Variants in FUT9 observed in about 807,000 individuals in gnomAD.
The protein encoded by FUT9 is 4-galactosyl-N-acetylglucosaminide 3-alpha-L-fucosyltransferase 9.
In FUT9, 15 loss-of-function variants were observed where a neutral mutation model predicts 29.7. That is an observed-to-expected ratio of 0.51 (90% CI 0.34 to 0.78). The LOEUF is 0.78. Ranked by LOEUF, FUT9 falls within the 30% of genes least tolerant of loss-of-function variation. The pLI is 0.01. For synonymous variants in FUT9, 169 were observed against 153.7 expected (o/e 1.10, Z -0.74); for missense variants, 319 against 425.4 (o/e 0.75, Z 2.20).
chr6:96,202,383 T>C (rs1312138318), intron 2 of FUT9, among the ~76,000 whole-genome samples: 4 of 152,072 alleles, frequency 2.6e-5, no homozygotes, highest in African/African-American at 9.7e-5. Flanking sequence ...TTAGGCTATG[T>C]AAGTGAGAAC....
chr6:96,201,641 G>A (rs1249254909), intron 2 of FUT9, among the ~76,000 whole-genome samples: 1 of 151,878 alleles, frequency 6.6e-6, no homozygotes, highest in Non-Finnish European at 1.5e-5. Context: ...ATTTAATTCT[G>A]AATAACTGAA....
chr6:96,055,218 G>T (rs1021317822), intron 1 of FUT9, among the ~76,000 whole-genome samples: 1 of 151,996 alleles, frequency 6.6e-6, no homozygotes, highest in African/African-American at 2.4e-5. Context: ...AACATTTAAT[G>T]TTACACATTT....
chr6:96,167,529 C>T (rs1009788489), intron 2 of FUT9, among the ~76,000 whole-genome samples: 1 of 152,176 alleles, frequency 6.6e-6, no homozygotes, highest in African/African-American at 2.4e-5. Context: ...ATTTATGAAG[C>T]ACTTACTGTG....
intron 2 of FUT9, among the ~76,000 whole-genome samples, chr6:96,122,534 G>T (rs534106839): frequency 6.6e-6 from 1 of 151,944 alleles, no homozygotes; most frequent in Admixed American, 6.6e-5. Context: ...AATTTTACAT[G>T]GTATAGTTAT....
rs1388835614 is a variant in FUT9, at chr6:96,110,914, G to A, written c.-97-3125G>A. Among the ~76,000 whole-genome samples the A allele has an allele frequency of 2.6e-5, 4 of 151,758 alleles. No individual in the cohort carries two copies. In the East Asian group the frequency reaches 7.7e-4, roughly 29 times the overall value. On this transcript the variant is annotated intron_variant, in intron 1 of 2. Transcript: ENST00000302103. The stretch of plus-strand genomic sequence containing the variant: ...CTGCCCTTAAGAGGTCCTCCTGCCT[G>A]GGCCTCCCAAAGTACTGGGATTACA...
intron 2 of FUT9, among the ~76,000 whole-genome samples, chr6:96,200,155 T>C (rs191943734): frequency 1.3e-4 from 20 of 152,264 alleles, no homozygotes; most frequent in Admixed American, 1.1e-3. Context: ...TAGGTGTGTG[T>C]GTGTATAAGT....
chr6:96,180,783 A>G (rs1024269755), intron 2 of FUT9, among the ~76,000 whole-genome samples: 2 of 152,022 alleles, frequency 1.3e-5, no homozygotes, highest in Admixed American at 1.3e-4. Context: ...GTTCTTTTCT[A>G]TGGCTAAACA....
chr6:96,018,104 A>C (rs9390771), intron 1 of FUT9, among the ~76,000 whole-genome samples: 14,385 of 152,168 alleles, frequency 0.095, 1,858 homozygotes, highest in African/African-American at 0.28. Flanking sequence ...GCTGTGAATA[A>C]TGAGTTTATT....
chr6:96,068,161 A>C (rs917205526), intron 1 of FUT9, among the ~76,000 whole-genome samples: 1 of 152,180 alleles, frequency 6.6e-6, no homozygotes, highest in African/African-American at 2.4e-5. Flanking sequence ...GCAGTTCTGG[A>C]AAGAGGGGAC....
Position 96,212,726 on chromosome 6 carries a change from AAT to A in FUT9, c.*8494_*8495del, listed in dbSNP as rs2127994099. On this transcript the variant is annotated 3_prime_UTR_variant, in exon 3 of 3. Coordinates refer to ENST00000302103, the MANE Select transcript of FUT9 (RefSeq NM_006581.4). ...TGAGGTTAAACATCTTCATTATAAT[AAT>A]ATGTCTTATTCTGATTCCAAGACAA... The A allele has an allele frequency of 5.6e-6, 1 of 179,070 alleles. No individual in the cohort carries two copies. Among genetic ancestry groups the A allele is most frequent in the African/African-American group, 2.4e-5 (1 of 42,142 alleles). The allele number at this position is 179,070 out of a possible 1,614,324, so 11.1% of individuals were successfully genotyped here.
intron 2 of FUT9, among the ~76,000 whole-genome samples, chr6:96,162,612 A>G (rs146062331): frequency 1.6e-4 from 24 of 152,316 alleles, no homozygotes; most frequent in African/African-American, 5.8e-4. Context: ...ATAGGCCCTA[A>G]AAATAATCTA....
chr6:96,024,474 A>T (rs1335325665), intron 1 of FUT9, among the ~76,000 whole-genome samples: 1 of 151,732 alleles, frequency 6.6e-6, no homozygotes, highest in African/African-American at 2.4e-5. Flanking sequence ...CCAATACTCT[A>T]TATTGGGAGC....
intron 2 of FUT9, among the ~76,000 whole-genome samples, chr6:96,128,706 T>C (rs35277273): frequency 0.33 from 49,442 of 152,040 alleles, 9,649 homozygotes; most frequent in Middle Eastern, 0.43. Context: ...AATGACAAAG[T>C]ATTAAAAATA....
chr6:96,041,009 T>C (rs531301736), intron 1 of FUT9, among the ~76,000 whole-genome samples: 6 of 152,194 alleles, frequency 3.9e-5, no homozygotes, highest in African/African-American at 1.4e-4. Flanking sequence ...GCCCGCCCCC[T>C]TTCCTCATCA....
At chr6:96,162,825 G>A (rs548931769) in intron 2 of FUT9, among the ~76,000 whole-genome samples, 2 of 152,172 alleles carry the variant, frequency 1.3e-5, no homozygotes. Flanking sequence ...GAGCCCTTTT[G>A]GCCTGCCATT....
intron 1 of FUT9, among the ~76,000 whole-genome samples, chr6:96,042,281 G>A (rs1246061772): frequency 6.6e-6 from 1 of 152,160 alleles, no homozygotes; most frequent in African/African-American, 2.4e-5. Context: ...ATAACTAAGG[G>A]AATTCCCAGA....
At position 96,196,991 on chromosome 6, in the gene FUT9, A is replaced by G. The variant is rs144257615; in HGVS notation, c.-8-6157A>G. Among the ~76,000 whole-genome samples the G allele has an allele frequency of 3.1e-3, 469 of 152,202 alleles. 1 individual carries two copies. Among genetic ancestry groups the G allele is most frequent in the African/African-American group, 1.0e-2 (414 of 41,534 alleles). Reference sequence around the variant, plus strand: ...TGTTTCTATGACTGCCTTGGGAAAGAGGGATTCTAGTTTCTACTGCTTGCT... The same window carrying G: ...TGTTTCTATGACTGCCTTGGGAAAGGGGGATTCTAGTTTCTACTGCTTGCT... On this transcript the variant is annotated intron_variant, in intron 2 of 2. Coordinates refer to ENST00000302103, the MANE Select transcript of FUT9 (RefSeq NM_006581.4).
At chr6:96,131,309 C>T (rs779904469) in intron 2 of FUT9, among the ~76,000 whole-genome samples, 5 of 152,090 alleles carry the variant, frequency 3.3e-5, no homozygotes, top group Non-Finnish European at 5.9e-5. Flanking sequence ...AACACCTTGA[C>T]GAGTAGCTTG....
chr6:96,021,661 T>C (rs548225939), intron 1 of FUT9, among the ~76,000 whole-genome samples: 6 of 152,168 alleles, frequency 3.9e-5, no homozygotes, highest in South Asian at 2.1e-4. Flanking sequence ...AATTCAGTGA[T>C]AGAAAAGGAA....
Sources: gnomAD v4.1 joint callset for allele counts (sites outside exome capture counted in the v4.1 genomes callset) on GRCh38, gnomAD v4.1.1 for gene constraint, MANE v1.5 for transcripts, NCBI Gene and HGNC (gene_info 2026-07-23, HGNC 2026-07-21) for gene names.